Variants in ABHD17C observed in about 807,000 individuals in gnomAD.
ABHD17C encodes the protein abhydrolase domain containing 17C, depalmitoylase, also known as alpha/beta hydrolase domain-containing protein 17C.
Under a neutral mutation model 27.9 loss-of-function variants are expected in ABHD17C, and 11 were observed. That is an observed-to-expected ratio of 0.39 (90% CI 0.25 to 0.65). The LOEUF (loss-of-function observed/expected upper bound fraction) is 0.65. Among genes scored for constraint, ABHD17C ranks in the 30% least tolerant of loss-of-function variants. ABHD17C has a pLI of 0.45. For missense variants in ABHD17C, 280 were observed against 470.2 expected, an observed-to-expected ratio of 0.60 and a Z score of 3.74; for synonymous variants, 233 against 209.1, an observed-to-expected ratio of 1.11 and a Z score of -0.98.
At chr15:80,702,205 G>A (rs1200502428) in intron 1 of ABHD17C, among the ~76,000 whole-genome samples, 2 of 152,116 alleles carry the variant, frequency 1.3e-5, no homozygotes, top group Admixed American at 6.6e-5. Flanking sequence ...TCAGTCTTAG[G>A]TCAGGCACGG....
chr15:80,734,010 G>C (rs1895092644), intron 1 of ABHD17C, among the ~76,000 whole-genome samples: 1 of 149,824 alleles, frequency 6.7e-6, no homozygotes, highest in Non-Finnish European at 1.5e-5. Flanking sequence ...TTTAAAACAG[G>C]GTCTGGCTCT....
rs184465968 is a variant in ABHD17C at position 80,726,637 on chromosome 15, C to T, written c.591-22876C>T. On this transcript the variant is annotated intron_variant, in intron 1 of 2. Transcript: ENST00000258884. Reference sequence around the variant, plus strand: ...ACACCATTCTCCTGCCTCAGCCTCCCGAGTAGCTGGGACTACAGGCACCCA... The same window carrying T: ...ACACCATTCTCCTGCCTCAGCCTCCTGAGTAGCTGGGACTACAGGCACCCA... Among the ~76,000 whole-genome samples the T allele has an allele frequency of 5.7e-4, 86 of 151,510 alleles. 1 individual carries two copies. In the East Asian group the frequency reaches 0.014, roughly 25 times the overall value.
At chr15:80,712,367 T>G (rs1490468330) in intron 1 of ABHD17C, among the ~76,000 whole-genome samples, 1 of 152,202 alleles carries the variant, frequency 6.6e-6, no homozygotes, top group Non-Finnish European at 1.5e-5. Flanking sequence ...AGGTGGCTGG[T>G]TCAGCCCCAG....
chr15:80,747,045 C>T (rs1375978238), intron 1 of ABHD17C, among the ~76,000 whole-genome samples: 8 of 152,146 alleles, frequency 5.3e-5, no homozygotes, highest in South Asian at 2.1e-4. Context: ...ATCTTCTGTG[C>T]GTCATTCATT....
chr15:80,718,743 A>G (rs1310268646), intron 1 of ABHD17C, among the ~76,000 whole-genome samples: 1 of 152,196 alleles, frequency 6.6e-6, no homozygotes, highest in African/African-American at 2.4e-5. Flanking sequence ...AATTACTGCA[A>G]ATTAGCATCT....
At chr15:80,722,321 CT>C (rs397964136) in intron 1 of ABHD17C, among the ~76,000 whole-genome samples, 4,709 of 105,036 alleles carry the variant, frequency 0.045, 98 homozygotes, top group Admixed American at 0.09. Context: ...CCAAAGGAAT[CT>C]TTTTTTTTTT....
intron 1 of ABHD17C, among the ~76,000 whole-genome samples, chr15:80,733,780 A>C (rs559293705): frequency 1.3e-5 from 2 of 152,332 alleles, no homozygotes; most frequent in South Asian, 4.1e-4. Flanking sequence ...CAAAGAGATA[A>C]AACAATTAGA....
chr15:80,707,593 C>T (rs1894665699), intron 1 of ABHD17C, among the ~76,000 whole-genome samples: 1 of 151,762 alleles, frequency 6.6e-6, no homozygotes, highest in Non-Finnish European at 1.5e-5. Flanking sequence ...CGCAAAAAAT[C>T]TCACAATGTT....
chr15:80,723,628 C>T (rs1366642381), intron 1 of ABHD17C, among the ~76,000 whole-genome samples: 3 of 152,182 alleles, frequency 2.0e-5, no homozygotes, highest in Admixed American at 2.0e-4. Flanking sequence ...AGTTTATTAA[C>T]TTACAATGAG....
At chr15:80,731,152 C>T (rs1189695974) in intron 1 of ABHD17C, among the ~76,000 whole-genome samples, 1 of 152,156 alleles carries the variant, frequency 6.6e-6, no homozygotes, top group African/African-American at 2.4e-5. Flanking sequence ...ATCCCATGTC[C>T]TTGACAGACG....
At chr15:80,734,435 A>G (rs538754561) in intron 1 of ABHD17C, among the ~76,000 whole-genome samples, 1 of 152,244 alleles carries the variant, frequency 6.6e-6, no homozygotes, top group African/African-American at 2.4e-5. Flanking sequence ...ACAGAATGCC[A>G]AAAGAATCTC....
chr15:80,715,417 G>C (rs538874034), intron 1 of ABHD17C, among the ~76,000 whole-genome samples: 41 of 152,302 alleles, frequency 2.7e-4, no homozygotes, highest in Middle Eastern at 3.4e-3. Context: ...TGCCTACACT[G>C]TTTAATCTCT....
intron 1 of ABHD17C, among the ~76,000 whole-genome samples, chr15:80,748,228 G>A (rs1307622478): frequency 6.6e-6 from 1 of 152,178 alleles, no homozygotes; most frequent in Admixed American, 6.5e-5. Context: ...CATCAGCTGT[G>A]GATTGATAGT....
intron 1 of ABHD17C, among the ~76,000 whole-genome samples, chr15:80,733,960 ATTATTTAT>A (rs139005879): frequency 0.75 from 108,401 of 144,418 alleles, 40,486 homozygotes; most frequent in East Asian, 0.96. Context: ...ATTTTATTTT[ATTATTTAT>A]TTATTTATTT....
chr15:80,699,824 G>A (rs1531895), intron 1 of ABHD17C, among the ~76,000 whole-genome samples: 50,743 of 152,070 alleles, frequency 0.33, 10,395 homozygotes, highest in Non-Finnish European at 0.48. Context: ...AGAGTGTAGC[G>A]GAGAGGCAGG....
chr15:80,733,724 A>G (rs189893366), intron 1 of ABHD17C, among the ~76,000 whole-genome samples: 1 of 152,286 alleles, frequency 6.6e-6, no homozygotes, highest in East Asian at 1.9e-4. Flanking sequence ...AAACTCACCA[A>G]CCATCTGTGT....
intron 2 of ABHD17C, among the ~76,000 whole-genome samples, chr15:80,752,370 G>A (rs1051568653): frequency 3.3e-5 from 5 of 152,148 alleles, no homozygotes; most frequent in African/African-American, 4.8e-5. Flanking sequence ...GAAGTGGTCC[G>A]CGGCTTCCTG....
intron 1 of ABHD17C, among the ~76,000 whole-genome samples, chr15:80,726,550 C>T (rs545072329): frequency 1.8e-4 from 22 of 122,092 alleles, no homozygotes; most frequent in East Asian, 2.6e-4. Flanking sequence ...CTTGCTCTGT[C>T]GCCTAGGCTG....
chr15:80,732,172 A>AT (rs1381134754), intron 1 of ABHD17C, among the ~76,000 whole-genome samples: 1 of 152,192 alleles, frequency 6.6e-6, no homozygotes, highest in Non-Finnish European at 1.5e-5. Flanking sequence ...TCAGAGCCCC[A>AT]TTTTACACAC....
Sources: allele counts gnomAD v4.1 joint callset (sites outside exome capture counted in the v4.1 genomes callset), GRCh38; gene constraint gnomAD v4.1.1; transcripts MANE v1.5; gene names NCBI Gene and HGNC (gene_info 2026-07-23, HGNC 2026-07-21).